Variants in NLN observed in about 807,000 individuals in gnomAD.
The protein encoded by NLN is neurolysin, mitochondrial.
NLN carries 64 observed loss-of-function variants against 79.9 expected under a neutral mutation model. The ratio of observed to expected loss-of-function variants is 0.80; its 90% CI spans 0.65 to 0.99. The LOEUF (loss-of-function observed/expected upper bound fraction) is 0.99, where lower values mean the gene tolerates loss of function less well. NLN is among the 50% of genes least tolerant of loss of function. The pLI is 0.00. For missense variants in NLN, 835 were observed against 858.7 expected (o/e 0.97, Z 0.34); for synonymous variants, 267 against 296.6 (o/e 0.90, Z 1.02).
intron 9 of NLN, chr5:65,793,157 A>G: frequency 4.0e-6 from 1 of 252,284 alleles, no homozygotes; most frequent in Non-Finnish European, 7.8e-6. Flanking sequence ...GCCAGAGTGG[A>G]GGTGTATGTG....
chr5:65,769,907 C>T lies in NLN; in HGVS notation c.450+6799C>T, dbSNP rs558168949. Among the ~76,000 whole-genome samples the T allele has an allele frequency of 5.9e-5, 9 of 152,274 alleles. No homozygotes were observed. The East Asian group carries it at 1.2e-3, about 20-fold the overall frequency. On this transcript the variant is annotated intron_variant, in intron 3 of 12. Coordinates refer to ENST00000380985, the MANE Select transcript of NLN (RefSeq NM_020726.5). Reference sequence around the variant, plus strand: ...CTCTGGCAGAGTGCCTGATAAAAAGCAAGCATTCAGTAAATGTTCATCAAA... The same window carrying T: ...CTCTGGCAGAGTGCCTGATAAAAAGTAAGCATTCAGTAAATGTTCATCAAA...
rs1229413629 is a variant in NLN, at chr5:65,826,314, C to T, written c.*3399C>T. ...TCATGACTTTATCTAAACCCAGTCA[C>T]CCCCAACAAAGGCCCCACCCCCTAA... On this transcript the variant is annotated 3_prime_UTR_variant, in exon 13 of 13. Coordinates refer to ENST00000380985, the MANE Select transcript of NLN (RefSeq NM_020726.5). The T allele has an allele frequency of 6.6e-6, 1 of 152,138 alleles. No homozygotes were observed. Among genetic ancestry groups the T allele is most frequent in the Non-Finnish European group, 1.5e-5 (1 of 68,058 alleles). The allele number at this position is 152,138 out of a possible 1,614,324, so 9.4% of individuals were successfully genotyped here.
At chr5:65,777,392 T>A in intron 3 of NLN, 35 bp from the exon 4 acceptor site, 2 of 1,364,204 alleles carry the variant, frequency 1.5e-6, no homozygotes. Flanking sequence ...GTGCACTGTT[T>A]CAACCGAAAT....
chr5:65,787,584 T>A (rs1342669196), intron 7 of NLN, among the ~76,000 whole-genome samples: 1 of 152,188 alleles, frequency 6.6e-6, no homozygotes. Context: ...TTCTCAGAAG[T>A]TTCTCCAGCT....
In NLN at chr5:65,822,791, A is replaced by C. The variant is rs1760829850; in HGVS notation, c.1991A>C (p.Lys664Thr). The change falls in exon 13 of 13, where the codon AAA becomes ACA. Residue 664 changes from lysine to threonine, a missense_variant. Coordinates refer to ENST00000380985, the MANE Select transcript of NLN (RefSeq NM_020726.5). Reference protein sequence around the residue: ...EGIMNPEVGMKYRNLILKPGG... With the variant: ...EGIMNPEVGMTYRNLILKPGG... ...GTTTTATTTTATTAGGTTGGAATGA[A>C]ATACAGAAACCTAATCCTGAAACCT... 1 of 1,611,050 alleles carries C rather than the reference A, an allele frequency of 6.2e-7. No homozygotes were observed. The highest frequency in any genetic ancestry group is 1.1e-5 in the South Asian group (1 of 91,034).
rs1760866191 is a variant in NLN, at chr5:65,824,167, C to A, written c.*1252C>A. ...TTTAAAAAAAAAACAACTTTGAATT[C>A]CCCTGCCTAGGTCTTCCAGTTGTTT... On this transcript the variant is annotated 3_prime_UTR_variant, in exon 13 of 13. Coordinates refer to ENST00000380985, the MANE Select transcript of NLN (RefSeq NM_020726.5). 1 of 152,064 alleles carries A rather than the reference C, an allele frequency of 6.6e-6. No homozygotes were observed. Among genetic ancestry groups the A allele is most frequent in the African/African-American group, 2.4e-5 (1 of 41,390 alleles). 9.4% of individuals were successfully genotyped at this position (152,064 alleles called of 1,614,324 possible). A position where few individuals can be genotyped will look rare whatever the true frequency, so the allele number is the denominator to read the frequency against.
intron 3 of NLN, among the ~76,000 whole-genome samples, chr5:65,776,815 G>T (rs1759690305): frequency 1.3e-5 from 2 of 152,134 alleles, no homozygotes; most frequent in Admixed American, 1.3e-4. Flanking sequence ...CCTCCACTTT[G>T]TGCAGTGCTG....
rs114926442 is a variant in NLN at position 65,783,533 on chromosome 5, G to A, written c.822+2112G>A. On this transcript the variant is annotated intron_variant, in intron 6 of 12. Transcript: ENST00000380985. ...CACAGCTGGCTTTGAGGAAGGCTGG[G>A]AAACGTAATTAGGTAACCAAGTGTC... Among the ~76,000 whole-genome samples the A allele has an allele frequency of 4.9e-3, 752 of 152,178 alleles. 2 individuals carry two copies. The highest frequency in any genetic ancestry group is 0.017 in the African/African-American group (703 of 41,534).
chr5:65,752,792 G>A (rs1759128406), intron 1 of NLN, among the ~76,000 whole-genome samples: 1 of 152,184 alleles, frequency 6.6e-6, no homozygotes, highest in South Asian at 2.1e-4. Flanking sequence ...AGAAGTATAA[G>A]GCATTCCGCT....
Position 65,823,155 on chromosome 5 carries a change from T to A in NLN, c.*240T>A. ...TTTCATAAAACTGGATTTGATTTCT[T>A]TTTATGAAAGTTTCATATGAATGTA... On this transcript the variant is annotated 3_prime_UTR_variant, in exon 13 of 13. Transcript: ENST00000380985. The A allele has an allele frequency of 2.5e-6, 1 of 393,542 alleles. No individual in the cohort carries two copies. The highest frequency in any genetic ancestry group is 4.5e-6 in the Non-Finnish European group (1 of 220,916). 24.4% of individuals were successfully genotyped at this position (393,542 alleles called of 1,614,324 possible).
rs1302836156 is a variant in NLN, at chr5:65,783,004, C to T, written c.822+1583C>T. Reference sequence around the variant, plus strand: ...ACATTTTTCATTTTTATTGTTAGTACCACCCAATTTCTGGTATTAATCTCT... The same window carrying T: ...ACATTTTTCATTTTTATTGTTAGTATCACCCAATTTCTGGTATTAATCTCT... On this transcript the variant is annotated intron_variant, in intron 6 of 12. Coordinates refer to ENST00000380985, the MANE Select transcript of NLN (RefSeq NM_020726.5). Among the ~76,000 whole-genome samples the T allele has an allele frequency of 2.6e-5, 4 of 152,116 alleles. No individual in the cohort carries two copies. In the East Asian group the frequency reaches 7.7e-4, roughly 29 times the overall value.
chr5:65,724,143 C>T (rs1758399821), intron 1 of NLN, among the ~76,000 whole-genome samples: 1 of 129,922 alleles, frequency 7.7e-6, no homozygotes, highest in Non-Finnish European at 1.6e-5. Flanking sequence ...CAAAATTTAC[C>T]ATTTTGATAA....
Position 65,828,069 on chromosome 5 carries a change from C to CA in NLN, c.*5158dup, listed in dbSNP as rs1412511002. On this transcript the variant is annotated 3_prime_UTR_variant, in exon 13 of 13. Transcript: ENST00000380985. ...AAATATTTCAATGTGGAGACAAGCT[C>CA]AAAATGAAATTAGACACATTCCATT... is the stretch of plus-strand genomic sequence containing the variant. 2 of 152,034 alleles carry CA rather than the reference C, an allele frequency of 1.3e-5. No individual in the cohort carries two copies. Among genetic ancestry groups the CA allele is most frequent in the African/African-American group, 4.8e-5 (2 of 41,400 alleles). 9.4% of individuals were successfully genotyped at this position (152,034 alleles called of 1,614,324 possible). A position where few individuals can be genotyped will look rare whatever the true frequency, so the allele number is the denominator to read the frequency against.
At chr5:65,768,820 C>G (rs1430255551) in intron 3 of NLN, among the ~76,000 whole-genome samples, 2 of 152,162 alleles carry the variant, frequency 1.3e-5, no homozygotes, top group South Asian at 4.1e-4. Context: ...TCCTTCTCTT[C>G]CTAAAAGGCC....
At chr5:65,767,120 A>G (rs914565997) in intron 3 of NLN, among the ~76,000 whole-genome samples, 1 of 151,770 alleles carries the variant, frequency 6.6e-6, no homozygotes, top group Admixed American at 6.6e-5. Flanking sequence ...CCTTCTCACA[A>G]CTCCACTAGG....
intron 9 of NLN, among the ~76,000 whole-genome samples, chr5:65,803,493 G>A (rs1760338568): frequency 6.6e-6 from 1 of 152,206 alleles, no homozygotes; most frequent in Non-Finnish European, 1.5e-5. Flanking sequence ...CAAGATCAGA[G>A]CAGGTGCCGC....
chr5:65,724,018 G>A (rs3096210), intron 1 of NLN, among the ~76,000 whole-genome samples: 35,394 of 150,884 alleles, frequency 0.23, 4,314 homozygotes, highest in African/African-American at 0.27. Flanking sequence ...TGCATAAATA[G>A]TGATTTTAAT....
chr5:65,814,484 A>G (rs1340646617), intron 12 of NLN, among the ~76,000 whole-genome samples: 1 of 152,194 alleles, frequency 6.6e-6, no homozygotes, highest in African/African-American at 2.4e-5. Context: ...AGCAGTCTTA[A>G]TTGAAGGTCT....
chr5:65,725,137 A>G (rs1758439390), intron 1 of NLN, among the ~76,000 whole-genome samples: 1 of 152,142 alleles, frequency 6.6e-6, no homozygotes, highest in Admixed American at 6.5e-5. Flanking sequence ...TTGCAAAACT[A>G]ATGTGTGACA....
Sources: allele counts gnomAD v4.1 joint callset (sites outside exome capture counted in the v4.1 genomes callset), GRCh38; gene constraint gnomAD v4.1.1; transcripts MANE v1.5; gene names NCBI Gene and HGNC (gene_info 2026-07-23, HGNC 2026-07-21).